The following SLC1A1 variants were observed in gnomAD, a reference collection of about 807,000 sequenced individuals.
SLC1A1 encodes excitatory amino acid transporter 3.
SLC1A1 carries 43 observed loss-of-function variants against 53.3 expected under a neutral mutation model. The ratio of observed to expected loss-of-function variants is 0.81; its 90% CI spans 0.63 to 1.04. The LOEUF (loss-of-function observed/expected upper bound fraction) is 1.04. Among genes scored for constraint, SLC1A1 ranks in the 50% least tolerant of loss-of-function variants. The pLI is 0.00. For missense variants in SLC1A1, 748 were observed against 664.9 expected (o/e 1.12, Z -1.37); for synonymous variants, 307 against 243.2 (o/e 1.26, Z -2.44).
chr9:4,539,187 T>C (rs1382767504), intron 1 of SLC1A1, among the ~76,000 whole-genome samples: 1 of 152,146 alleles, frequency 6.6e-6, no homozygotes, highest in Non-Finnish European at 1.5e-5. Flanking sequence ...CTTAGTCAAA[T>C]GAAACTCAGC....
At chr9:4,576,811 C>T (rs1195729007) in intron 10 of SLC1A1, 48 bp downstream of exon 10, 10 of 1,534,918 alleles carry the variant, frequency 6.5e-6, no homozygotes, top group East Asian at 2.2e-5. Flanking sequence ...CAGGGATTAC[C>T]GCCAGTAAAA....
At chr9:4,558,430 G>T (rs961523082) in intron 2 of SLC1A1, among the ~76,000 whole-genome samples, 1 of 152,162 alleles carries the variant, frequency 6.6e-6, no homozygotes, top group Non-Finnish European at 1.5e-5. Context: ...GTAGGATGGA[G>T]GTGGATTAGA....
At chr9:4,501,503 G>A (rs183195289) in intron 1 of SLC1A1, among the ~76,000 whole-genome samples, 20 of 151,728 alleles carry the variant, frequency 1.3e-4, no homozygotes, top group Admixed American at 2.6e-4. Flanking sequence ...CGGTGCTCAC[G>A]CCTGTAATCC....
intron 1 of SLC1A1, among the ~76,000 whole-genome samples, chr9:4,534,842 C>G (rs1421066686): frequency 6.6e-6 from 1 of 152,154 alleles, no homozygotes; most frequent in South Asian, 2.1e-4. Context: ...AGCAGCACAT[C>G]AAGAAGCTTA....
At chr9:4,566,914 G>A (rs879783744) in intron 5 of SLC1A1, among the ~76,000 whole-genome samples, 2 of 152,122 alleles carry the variant, frequency 1.3e-5, no homozygotes, top group Non-Finnish European at 2.9e-5. Context: ...ACAGACTTCT[G>A]TGTATACCAA....
intron 2 of SLC1A1, among the ~76,000 whole-genome samples, chr9:4,555,268 A>C (rs567126949): frequency 4.6e-5 from 7 of 152,334 alleles, no homozygotes; most frequent in African/African-American, 1.7e-4. Context: ...TTATAATGGC[A>C]TAACACCACC....
rs751824400 is a variant in SLC1A1, at chr9:4,585,304, C to T, written c.1329-8C>T. On this transcript the variant is annotated splice_region_variant and splice_polypyrimidine_tract_variant and intron_variant, in intron 11 of 11. Coordinates refer to ENST00000262352, the MANE Select transcript of SLC1A1 (RefSeq NM_004170.6). ...GCCTCCTGTCTGACTCCTCCCGTCT[C>T]TCCCCAGGGACCGGTTCAGGACCAT... 8 of 1,613,338 alleles carry T rather than the reference C, an allele frequency of 5.0e-6. 1 individual carries two copies. The South Asian group carries it at 8.8e-5, about 18-fold the overall frequency.
chr9:4,552,134 G>A (rs1457040198), intron 2 of SLC1A1, among the ~76,000 whole-genome samples: 1 of 152,184 alleles, frequency 6.6e-6, no homozygotes, highest in African/African-American at 2.4e-5. Context: ...CTTAAAAAGG[G>A]ATTCTAAGGA....
Position 4,576,036 on chromosome 9 carries a change from T to C in SLC1A1, c.911T>C (p.Ile304Thr), listed in dbSNP as rs367830351. Residue 304 changes from isoleucine to threonine, a missense_variant, in exon 9 of 12, where the codon ATA becomes ACA. Ile to Thr is a moderately conservative substitution (Grantham distance 89). Transcript: ENST00000262352. ...AIHSIVILPL[I>T]YFIVVRKNPF... Reference sequence around the variant, plus strand: ...CACTCCATTGTAATTCTCCCGCTGATATATTTCATAGTCGTACGAAAGAAC... The same window carrying C: ...CACTCCATTGTAATTCTCCCGCTGACATATTTCATAGTCGTACGAAAGAAC... 64 of 1,613,882 alleles carry C rather than the reference T, an allele frequency of 4.0e-5. No individual in the cohort carries two copies. The African/African-American group carries it at 7.5e-4, about 19-fold the overall frequency.
chr9:4,494,854 C>T (rs757826220), intron 1 of SLC1A1, among the ~76,000 whole-genome samples: 4 of 152,254 alleles, frequency 2.6e-5, no homozygotes, highest in Middle Eastern at 3.4e-3. Flanking sequence ...AATACCTAAT[C>T]TTTCTCTCCA....
chr9:4,585,227 G>T, intron 11 of SLC1A1, 85 bp from the exon 12 acceptor site: 1 of 1,567,606 alleles, frequency 6.4e-7, no homozygotes, highest in South Asian at 1.1e-5. Flanking sequence ...AATCTAAACT[G>T]AACATGTCAG....
chr9:4,576,488 T>C, intron 9 of SLC1A1, 81 bp from the exon 10 acceptor site: 2 of 1,168,032 alleles, frequency 1.7e-6, no homozygotes, highest in Non-Finnish European at 2.6e-6. Context: ...TGTTTACTTT[T>C]TGGAAGACAG....
chr9:4,555,371 G>A (rs1818277721), intron 2 of SLC1A1, among the ~76,000 whole-genome samples: 2 of 152,226 alleles, frequency 1.3e-5, no homozygotes, highest in African/African-American at 2.4e-5. Context: ...TTTGTTCTCA[G>A]TGGGTGGTTG....
intron 10 of SLC1A1, among the ~76,000 whole-genome samples, chr9:4,580,643 G>C (rs955558663): frequency 7.0e-6 from 1 of 142,232 alleles, no homozygotes; most frequent in African/African-American, 2.7e-5. Context: ...GTGTGTGTGT[G>C]TGTGTGTGTA....
chr9:4,574,046 C>G, intron 8 of SLC1A1, 32 bp downstream of exon 8: 1 of 1,390,064 alleles, frequency 7.2e-7, no homozygotes, highest in Non-Finnish European at 1.0e-6. Context: ...AGACAGAAAC[C>G]TCCTTTGATC....
intron 1 of SLC1A1, among the ~76,000 whole-genome samples, chr9:4,522,025 T>C (rs1448365771): frequency 2.7e-5 from 4 of 150,452 alleles, no homozygotes; most frequent in Non-Finnish European, 4.4e-5. Flanking sequence ...ATACTTCTAA[T>C]GAATCAGAAC....
intron 1 of SLC1A1, among the ~76,000 whole-genome samples, chr9:4,539,939 G>C (rs1816860886): frequency 6.6e-6 from 1 of 152,162 alleles, no homozygotes; most frequent in South Asian, 2.1e-4. Flanking sequence ...AGAAATTCTG[G>C]GCAGAAGAGG....
Position 4,561,458 on chromosome 9 carries a change from C to T in SLC1A1, c.242C>T (p.Ala81Val). 1 of 1,598,266 alleles carries T rather than the reference C, an allele frequency of 6.3e-7. No homozygotes were observed. Among genetic ancestry groups the T allele is most frequent in the South Asian group, 1.1e-5 (1 of 90,758 alleles). Reference sequence around the variant, plus strand: ...TCTGTCTCCCCTTCAGGTGTTGCTGCACTGGATTCCAACGTATCCGGAAAA... The same window carrying T: ...TCTGTCTCCCCTTCAGGTGTTGCTGTACTGGATTCCAACGTATCCGGAAAA... ...IISSMITGVA[A>V]LDSNVSGKIG... Residue 81 changes from alanine to valine, a missense_variant, in exon 3 of 12, where the codon GCA (alanine) becomes GTA (valine). Coordinates refer to ENST00000262352, the MANE Select transcript of SLC1A1 (RefSeq NM_004170.6).
intron 1 of SLC1A1, among the ~76,000 whole-genome samples, chr9:4,528,968 AC>A (rs781596439): frequency 6.6e-6 from 1 of 152,036 alleles, no homozygotes; most frequent in Non-Finnish European, 1.5e-5. Context: ...ATCACCATCC[AC>A]CCTGTTACCC....
Sources: allele counts gnomAD v4.1 joint callset (sites outside exome capture counted in the v4.1 genomes callset), GRCh38; gene constraint gnomAD v4.1.1; transcripts MANE v1.5; gene names NCBI Gene and HGNC (gene_info 2026-07-23, HGNC 2026-07-21).